The following SLC4A8 variants were observed in gnomAD, a reference collection of about 807,000 sequenced individuals.
SLC4A8 encodes the protein electroneutral sodium bicarbonate exchanger 1.
Under a neutral mutation model 125.0 loss-of-function variants are expected in SLC4A8, and 40 were observed. The observed-to-expected ratio is 0.32, with a 90% CI of 0.25 to 0.42. The LOEUF (loss-of-function observed/expected upper bound fraction) is 0.42. Ranked by LOEUF, SLC4A8 falls within the 10% of genes least tolerant of loss-of-function variation. SLC4A8 has a pLI of 1.00. For missense variants in SLC4A8, 863 were observed against 1,355.1 expected, an observed-to-expected ratio of 0.64 and a Z score of 5.70; for synonymous variants, 456 against 476.0, an observed-to-expected ratio of 0.96 and a Z score of 0.55.
At chr12:51,505,456 T>C (rs1030254188) in intron 23 of SLC4A8, among the ~76,000 whole-genome samples, 3 of 152,184 alleles carry the variant, frequency 2.0e-5, no homozygotes, top group Non-Finnish European at 2.9e-5. Context: ...AATGGGAAAA[T>C]GAATGAAAAA....
chr12:51,501,505 C>T lies in SLC4A8; in HGVS notation c.3082-2524C>T, dbSNP rs148177964. ...CATAGTTTTGTTCTCTTTGTGGCTG[C>T]GTAGTATTCCATGGTGTATACATAC... is the stretch of plus-strand genomic sequence containing the variant. On this transcript the variant is annotated intron_variant, in intron 22 of 24. Coordinates refer to ENST00000453097, the MANE Select transcript of SLC4A8 (RefSeq NM_001039960.3). 8.9e-3 allele frequency among the ~76,000 whole-genome samples: 1,361 copies of T among 152,298 alleles called. 16 individuals carry two copies. The highest frequency in any genetic ancestry group is 0.031 in the African/African-American group (1,281 of 41,556).
intron 1 of SLC4A8, among the ~76,000 whole-genome samples, chr12:51,400,772 A>T (rs1439346226): frequency 4.1e-4 from 2 of 4,928 alleles, no homozygotes; most frequent in African/African-American, 1.5e-3. Flanking sequence ...ATATATATAT[A>T]TATATACATA....
chr12:51,395,781 A>G lies in SLC4A8; in HGVS notation c.-112+4293A>G, dbSNP rs117106625. Among the ~76,000 whole-genome samples the G allele has an allele frequency of 1.7e-3, 251 of 151,832 alleles. 1 individual carries two copies. The highest frequency in any genetic ancestry group is 3.4e-3 in the Middle Eastern group (1 of 294). The stretch of plus-strand genomic sequence containing the variant: ...CCTGAGGGAAACAACGGAGTCTCCC[A>G]CTCCCTCCCTACCTCTTTGTTTCTT... On this transcript the variant is annotated intron_variant, in intron 1 of 24. Coordinates refer to the SLC4A8 transcript ENST00000358657.
At chr12:51,487,318 G>A (rs1369399502) in intron 17 of SLC4A8, among the ~76,000 whole-genome samples, 1 of 152,092 alleles carries the variant, frequency 6.6e-6, no homozygotes, top group Non-Finnish European at 1.5e-5. Context: ...CGTCATTAAG[G>A]GTTTATTTAA....
At chr12:51,488,934 A>G in intron 18 of SLC4A8, 74 bp downstream of exon 18, 1 of 1,146,846 alleles carries the variant, frequency 8.7e-7, no homozygotes, top group Non-Finnish European at 1.3e-6. Flanking sequence ...GGGTAAGCAC[A>G]TCTAGACCAG....
In SLC4A8 at chr12:51,514,351, G is replaced by C. The variant is rs986805585; in HGVS notation, c.*6913G>C. 5 of 152,616 alleles carry C rather than the reference G, an allele frequency of 3.3e-5. No individual in the cohort carries two copies. Among genetic ancestry groups the C allele is most frequent in the Non-Finnish European group, 7.3e-5 (5 of 68,060 alleles). 9.5% of individuals were successfully genotyped at this position (152,616 alleles called of 1,614,324 possible). A position where few individuals can be genotyped will look rare whatever the true frequency, so the allele number is the denominator to read the frequency against. On this transcript the variant is annotated 3_prime_UTR_variant, in exon 25 of 25. Coordinates refer to ENST00000453097, the MANE Select transcript of SLC4A8 (RefSeq NM_001039960.3). Reference sequence around the variant, plus strand: ...AGGTAGAAGTCCTTTGAGCAGACCCGAAATGGCCAAATGAGACATCATCCA... The same window carrying C: ...AGGTAGAAGTCCTTTGAGCAGACCCCAAATGGCCAAATGAGACATCATCCA...
chr12:51,415,280 C>T (rs1430772692), intron 1 of SLC4A8, among the ~76,000 whole-genome samples: 3 of 150,500 alleles, frequency 2.0e-5, no homozygotes, highest in Non-Finnish European at 4.4e-5. Context: ...GAATTCCCTG[C>T]TCTTTGATTT....
At chr12:51,494,427 T>TTC (rs1951407045) in intron 20 of SLC4A8, 1 of 151,384 alleles carries the variant, frequency 6.6e-6, no homozygotes, top group Non-Finnish European at 1.5e-5. Flanking sequence ...TTTTTTTTTT[T>TTC]TCCTATGGCC....
intron 16 of SLC4A8, among the ~76,000 whole-genome samples, chr12:51,476,495 TAAAAA>T (rs1047983173): frequency 7.0e-6 from 1 of 143,546 alleles, no homozygotes; most frequent in Non-Finnish European, 1.5e-5. Context: ...ATAAAAAAGT[TAAAAA>T]AAAAAAGAGC....
At chr12:51,436,597 CTTT>C (rs937250630) in intron 1 of SLC4A8, among the ~76,000 whole-genome samples, 18 of 151,960 alleles carry the variant, frequency 1.2e-4, no homozygotes, top group African/African-American at 3.9e-4. Context: ...ACTTTTTCTT[CTTT>C]TATTTGTTAT....
intron 1 of SLC4A8, among the ~76,000 whole-genome samples, chr12:51,396,548 A>T (rs1453432292): frequency 6.6e-6 from 1 of 152,178 alleles, no homozygotes; most frequent in East Asian, 1.9e-4. Flanking sequence ...TCAAAAATTC[A>T]AAATAAAGAA....
At position 51,512,687 on chromosome 12, in the gene SLC4A8, G is replaced by A. The variant is rs540067692; in HGVS notation, c.*5249G>A. The A allele has an allele frequency of 1.4e-4, 21 of 152,284 alleles. No homozygotes were observed. Among genetic ancestry groups the A allele is most frequent in the Admixed American group, 1.0e-3 (16 of 15,274 alleles). 9.4% of individuals were successfully genotyped at this position (152,284 alleles called of 1,614,324 possible). Reference sequence around the variant, plus strand: ...TGCGTGTGCATTTGCATGTGTGTATGTTGACAAATGAGAGTGTAGCCATAA... The same window carrying A: ...TGCGTGTGCATTTGCATGTGTGTATATTGACAAATGAGAGTGTAGCCATAA... On this transcript the variant is annotated 3_prime_UTR_variant, in exon 25 of 25. Transcript: ENST00000453097.
At chr12:51,415,339 A>G (rs376153416) in intron 1 of SLC4A8, among the ~76,000 whole-genome samples, 1 of 152,200 alleles carries the variant, frequency 6.6e-6, no homozygotes, top group Non-Finnish European at 1.5e-5. Flanking sequence ...TAAGTGTTTG[A>G]TAGAATTCAG....
At chr12:51,503,738 G>A (rs577372477) in intron 22 of SLC4A8, among the ~76,000 whole-genome samples, 41 of 152,170 alleles carry the variant, frequency 2.7e-4, no homozygotes, top group African/African-American at 9.9e-4. Flanking sequence ...TGTGTCCCTT[G>A]GTGTCATTTA....
intron 22 of SLC4A8, among the ~76,000 whole-genome samples, chr12:51,501,196 T>A (rs1210445624): frequency 1.3e-5 from 2 of 152,236 alleles, no homozygotes; most frequent in Non-Finnish European, 2.9e-5. Context: ...TCAGGGCATG[T>A]GCAGGTTTGT....
At chr12:51,415,177 T>C (rs554243098) in intron 1 of SLC4A8, among the ~76,000 whole-genome samples, 20 of 151,736 alleles carry the variant, frequency 1.3e-4, no homozygotes, top group South Asian at 4.2e-4. Context: ...GTTTTTACCA[T>C]TGGAAAAAAA....
intron 14 of SLC4A8, among the ~76,000 whole-genome samples, chr12:51,472,032 T>C (rs1407962788): frequency 6.6e-6 from 1 of 152,332 alleles, no homozygotes; most frequent in East Asian, 1.9e-4. Flanking sequence ...TGTCTCACAC[T>C]GTATCATAAA....
At chr12:51,401,948 T>C (rs1323014769) in intron 1 of SLC4A8, among the ~76,000 whole-genome samples, 1 of 152,032 alleles carries the variant, frequency 6.6e-6, no homozygotes, top group East Asian at 1.9e-4. Context: ...TATTTTTTTT[T>C]GTAGAGATGG....
chr12:51,464,640 T>A (rs1950456490), intron 11 of SLC4A8, among the ~76,000 whole-genome samples: 1 of 152,232 alleles, frequency 6.6e-6, no homozygotes, highest in Non-Finnish European at 1.5e-5. Context: ...AAGAAGGTTC[T>A]GCTGGGTAGA....
Sources: gnomAD v4.1 joint callset for allele counts (sites outside exome capture counted in the v4.1 genomes callset) on GRCh38, gnomAD v4.1.1 for gene constraint, MANE v1.5 for transcripts, NCBI Gene and HGNC (gene_info 2026-07-23, HGNC 2026-07-21) for gene names.